SLC24A2: variants seen among roughly 807,000 people sequenced by gnomAD.
SLC24A2 encodes solute carrier family 24 member 2, also known as sodium/potassium/calcium exchanger 2.
A neutral mutation model predicts 62.0 loss-of-function variants in SLC24A2; 36 were observed. The observed-to-expected ratio is 0.58, with a 90% CI of 0.44 to 0.77. SLC24A2 has a LOEUF of 0.77. Ranked by LOEUF, SLC24A2 falls within the 30% of genes least tolerant of loss-of-function variation. The pLI, the probability that SLC24A2 is intolerant of heterozygous loss-of-function variation, is 0.00. For synonymous variants in SLC24A2, 358 were observed against 294.0 expected (o/e 1.22, Z -2.23); for missense variants, 846 against 817.9 (o/e 1.03, Z -0.42).
the SLC24A2 span, among the ~76,000 whole-genome samples, chr9:20,163,878 G>C: frequency 6.6e-6 from 1 of 152,140 alleles, no homozygotes; most frequent in East Asian, 1.9e-4. Context: ...ACAAGCAATG[G>C]GGAAAGGATT....
At chr9:19,862,482 T>C in the SLC24A2 span, among the ~76,000 whole-genome samples, 2 of 152,004 alleles carry the variant, frequency 1.3e-5, no homozygotes, top group Non-Finnish European at 2.9e-5. Context: ...TAGTGAGCAA[T>C]AAGAAATCAC....
At chr9:19,912,539 A>G in the SLC24A2 span, among the ~76,000 whole-genome samples, 1 of 151,942 alleles carries the variant, frequency 6.6e-6, no homozygotes, top group Non-Finnish European at 1.5e-5. Context: ...CTAACCATAA[A>G]CAATTCTATC....
the SLC24A2 span, among the ~76,000 whole-genome samples, chr9:20,024,147 T>A: frequency 6.6e-6 from 1 of 152,200 alleles, no homozygotes; most frequent in Non-Finnish European, 1.5e-5. Flanking sequence ...TCATTTATCA[T>A]CCTGGGGTGC....
At chr9:19,754,782 C>T (rs1270787801) in intron 2 of SLC24A2, among the ~76,000 whole-genome samples, 2 of 151,944 alleles carry the variant, frequency 1.3e-5, no homozygotes, top group Non-Finnish European at 2.9e-5. Context: ...TGCCAAAATG[C>T]ACAGTTCCAG....
chr9:19,720,895 A>G (rs1222463614), intron 2 of SLC24A2, among the ~76,000 whole-genome samples: 5 of 149,162 alleles, frequency 3.4e-5, no homozygotes, highest in African/African-American at 5.0e-5. Flanking sequence ...TATCTCTAAA[A>G]GCTTCTACCA....
At chr9:20,064,231 A>C in the SLC24A2 span, among the ~76,000 whole-genome samples, 1 of 152,224 alleles carries the variant, frequency 6.6e-6, no homozygotes, top group Non-Finnish European at 1.5e-5. Flanking sequence ...AAGGATACAT[A>C]CTGTATGATT....
chr9:19,923,856 T>C, the SLC24A2 span, among the ~76,000 whole-genome samples: 1,607 of 152,340 alleles, frequency 0.011, 21 homozygotes, highest in African/African-American at 0.037. Flanking sequence ...CAAGTGATTC[T>C]CCTGCCTCAG....
chr9:20,102,222 AAG>A, the SLC24A2 span, among the ~76,000 whole-genome samples: 2 of 152,168 alleles, frequency 1.3e-5, no homozygotes, highest in Non-Finnish European at 2.9e-5. Context: ...AAAGTGTCCT[AAG>A]AGAGAGACTA....
the SLC24A2 span, among the ~76,000 whole-genome samples, chr9:19,961,704 CAG>C: frequency 6.6e-6 from 1 of 152,198 alleles, no homozygotes; most frequent in East Asian, 1.9e-4. Context: ...GTGGAAATGA[CAG>C]TGTATGACTT....
chr9:19,832,155 A>G, the SLC24A2 span, among the ~76,000 whole-genome samples: 1 of 152,244 alleles, frequency 6.6e-6, no homozygotes, highest in East Asian at 1.9e-4. Flanking sequence ...GCAGAATCTA[A>G]TTGCCTCAGA....
the SLC24A2 span, among the ~76,000 whole-genome samples, chr9:20,239,626 G>A: frequency 2.0e-5 from 3 of 152,226 alleles, no homozygotes; most frequent in South Asian, 2.1e-4. Flanking sequence ...AGGAGTACAT[G>A]AGAAGAGCTT....
chr9:20,221,407 C>G, the SLC24A2 span, among the ~76,000 whole-genome samples: 5 of 151,836 alleles, frequency 3.3e-5, no homozygotes. Context: ...AGAAAGTTAC[C>G]ATGAAAGAAA....
At chr9:19,687,871 G>A (rs900393416) in intron 2 of SLC24A2, among the ~76,000 whole-genome samples, 1 of 152,068 alleles carries the variant, frequency 6.6e-6, no homozygotes, top group Non-Finnish European at 1.5e-5. Context: ...AAAGGTGCTT[G>A]CGTTACTTAA....
At chr9:19,886,185 C>T in the SLC24A2 span, among the ~76,000 whole-genome samples, 1 of 152,196 alleles carries the variant, frequency 6.6e-6, no homozygotes, top group Non-Finnish European at 1.5e-5. Flanking sequence ...CTGCTTTTCA[C>T]AATGGCTGAA....
At chr9:19,876,883 G>C in the SLC24A2 span, among the ~76,000 whole-genome samples, 6 of 152,024 alleles carry the variant, frequency 3.9e-5, no homozygotes, top group African/African-American at 1.4e-4. Context: ...AGTTCAAGCT[G>C]CTATTTTAAA....
intron 7 of SLC24A2, among the ~76,000 whole-genome samples, chr9:19,559,996 C>G (rs1001917910): frequency 4.6e-5 from 7 of 152,138 alleles, no homozygotes; most frequent in African/African-American, 7.2e-5. Context: ...CTCTAAGTGA[C>G]ACATGGAAAA....
chr9:19,686,892 T>A (rs1411721263), intron 2 of SLC24A2, among the ~76,000 whole-genome samples: 1 of 152,044 alleles, frequency 6.6e-6, no homozygotes, highest in Admixed American at 6.6e-5. Context: ...TAAATGCCCT[T>A]CAACAGTAGG....
chr9:19,667,522 T>C lies in SLC24A2; in HGVS notation c.931-45223A>G, dbSNP rs533770696. Among the ~76,000 whole-genome samples, 16 of 152,284 alleles carry C rather than the reference T, an allele frequency of 1.1e-4. No homozygotes were observed. The East Asian group carries it at 3.1e-3, about 29-fold the overall frequency. ...CCCTATGTTTGCTCCCTGGACCAAG[T>C]GTTCTTGAACTTCCATCATAGCCCC... On this transcript the variant is annotated intron_variant, in intron 2 of 10. Coordinates refer to ENST00000341998, the MANE Select transcript of SLC24A2 (RefSeq NM_020344.4).
At chr9:19,688,886 TA>T (rs1259098583) in intron 2 of SLC24A2, among the ~76,000 whole-genome samples, 1 of 152,134 alleles carries the variant, frequency 6.6e-6, no homozygotes, top group East Asian at 1.9e-4. Flanking sequence ...CTCATAGTGT[TA>T]AGCTCAAATT....
Sources: gnomAD v4.1 joint callset for allele counts (sites outside exome capture counted in the v4.1 genomes callset) on GRCh38, gnomAD v4.1.1 for gene constraint, MANE v1.5 for transcripts, NCBI Gene and HGNC (gene_info 2026-07-23, HGNC 2026-07-21) for gene names.